Variants in IQCM observed in about 807,000 individuals in gnomAD.
IQCM encodes IQ motif containing M.
A neutral mutation model predicts 57.6 loss-of-function variants in IQCM; 45 were observed. That is an observed-to-expected ratio of 0.78 (90% CI 0.62 to 1.00). The LOEUF (loss-of-function observed/expected upper bound fraction) is 1.00, where lower values mean the gene tolerates loss of function less well. Among genes scored for constraint, IQCM ranks in the 50% least tolerant of loss-of-function variants. The pLI, the probability that IQCM is intolerant of heterozygous loss-of-function variation, is 0.00. For synonymous variants in IQCM, 148 were observed against 158.9 expected, an observed-to-expected ratio of 0.93 and a Z score of 0.51; for missense variants, 468 against 511.6, an observed-to-expected ratio of 0.91 and a Z score of 0.82.
intron 8 of IQCM, among the ~76,000 whole-genome samples, chr4:149,588,586 C>A (rs1752852951): frequency 6.6e-6 from 1 of 151,592 alleles, no homozygotes; most frequent in South Asian, 2.1e-4. Context: ...AAGGGCGGGG[C>A]CTAATTCAGC....
At chr4:149,787,693 T>C (rs1421222283) in intron 2 of IQCM, among the ~76,000 whole-genome samples, 1 of 152,040 alleles carries the variant, frequency 6.6e-6, no homozygotes, top group Non-Finnish European at 1.5e-5. Context: ...CAACCGAAGC[T>C]AGATTAAAGA....
intron 12 of IQCM, among the ~76,000 whole-genome samples, chr4:149,450,658 G>A (rs1737012844): frequency 6.6e-6 from 1 of 151,666 alleles, no homozygotes; most frequent in African/African-American, 2.4e-5. Flanking sequence ...ACTACAACAA[G>A]ATATAATCTC....
chr4:149,655,192 T>C (rs970044947), intron 7 of IQCM, among the ~76,000 whole-genome samples: 6 of 152,178 alleles, frequency 3.9e-5, no homozygotes, highest in African/African-American at 1.4e-4. Context: ...TCAATACTTA[T>C]TGACTGTATA....
chr4:149,404,593 T>C (rs1732848933), intron 13 of IQCM, among the ~76,000 whole-genome samples: 1 of 152,030 alleles, frequency 6.6e-6, no homozygotes, highest in Non-Finnish European at 1.5e-5. Context: ...AAAGGTGGTG[T>C]TTATTTCTTG....
chr4:149,750,501 C>G (rs1159221700), intron 2 of IQCM, among the ~76,000 whole-genome samples: 1 of 152,112 alleles, frequency 6.6e-6, no homozygotes, highest in African/African-American at 2.4e-5. Context: ...TAATAAGAGC[C>G]TTATTTCCTT....
At chr4:149,651,459 C>A (rs917294615) in intron 7 of IQCM, among the ~76,000 whole-genome samples, 1 of 152,078 alleles carries the variant, frequency 6.6e-6, no homozygotes, top group Non-Finnish European at 1.5e-5. Context: ...CATGCACATA[C>A]ACAAATTTGT....
intron 13 of IQCM, among the ~76,000 whole-genome samples, chr4:149,359,974 C>G (rs770952638): frequency 1.4e-4 from 21 of 152,072 alleles, no homozygotes; most frequent in Non-Finnish European, 1.9e-4. Flanking sequence ...TGAGAGCTTT[C>G]TGGGTCTCCA....
chr4:149,744,000 A>T (rs1245943494), intron 2 of IQCM, among the ~76,000 whole-genome samples: 1 of 152,230 alleles, frequency 6.6e-6, no homozygotes, highest in Non-Finnish European at 1.5e-5. Flanking sequence ...CTATGAGTTC[A>T]GAATTCAAAA....
intron 7 of IQCM, among the ~76,000 whole-genome samples, chr4:149,654,083 G>C (rs79514373): frequency 1.1e-3 from 174 of 152,216 alleles, no homozygotes; most frequent in Non-Finnish European, 2.1e-3. Flanking sequence ...AAGCGGATAC[G>C]AATATCCTCA....
In IQCM at chr4:149,456,815, T is replaced by A. The variant is rs1737754802; in HGVS notation, c.1229-23258A>T. ...TTCCTGCTTCTGCTGTTTTCTCATA[T>A]GCCAAAGTACGTTAATTTGGATTAG... On this transcript the variant is annotated intron_variant, in intron 12 of 13. Transcript: ENST00000636793. Among the ~76,000 whole-genome samples, 4 of 152,076 alleles carry A rather than the reference T, an allele frequency of 2.6e-5. No homozygotes were observed. The South Asian group carries it at 8.3e-4, about 31-fold the overall frequency.
chr4:149,388,631 A>G (rs1016244692), intron 13 of IQCM, among the ~76,000 whole-genome samples: 4 of 142,558 alleles, frequency 2.8e-5, no homozygotes, highest in African/African-American at 1.0e-4. Context: ...ATATATACAC[A>G]TATATGGGCA....
At chr4:149,478,473 G>A (rs976530389) in intron 12 of IQCM, among the ~76,000 whole-genome samples, 2 of 152,172 alleles carry the variant, frequency 1.3e-5, no homozygotes, top group African/African-American at 2.4e-5. Flanking sequence ...TTAGGTACCA[G>A]GTGAAAAGAA....
At chr4:149,703,574 A>C (rs906070337) in intron 5 of IQCM, among the ~76,000 whole-genome samples, 2 of 151,956 alleles carry the variant, frequency 1.3e-5, no homozygotes, top group Admixed American at 6.6e-5. Flanking sequence ...CTTTTTATTT[A>C]GTTATGAGCA....
intron 2 of IQCM, among the ~76,000 whole-genome samples, chr4:149,785,495 A>G (rs1771996562): frequency 6.6e-6 from 1 of 152,186 alleles, no homozygotes. Context: ...ATATAATTTG[A>G]ATGTTTCAAA....
chr4:149,717,577 C>G (rs568485007), intron 5 of IQCM, among the ~76,000 whole-genome samples: 10 of 152,200 alleles, frequency 6.6e-5, no homozygotes, highest in Non-Finnish European at 1.2e-4. Context: ...AAACTAAAAT[C>G]TTAATAAGTT....
intron 5 of IQCM, among the ~76,000 whole-genome samples, chr4:149,708,795 G>A (rs926678899): frequency 1.3e-5 from 2 of 151,942 alleles, no homozygotes; most frequent in Non-Finnish European, 2.9e-5. Context: ...TACATGAAAC[G>A]ACAAAGGATG....
At chr4:149,513,290 T>A (rs1383975348) in intron 12 of IQCM, among the ~76,000 whole-genome samples, 1 of 152,198 alleles carries the variant, frequency 6.6e-6, no homozygotes, top group Non-Finnish European at 1.5e-5. Flanking sequence ...AGTGTACTCA[T>A]CCTATTTATA....
At chr4:149,472,526 T>C (rs928435604) in intron 12 of IQCM, among the ~76,000 whole-genome samples, 1 of 152,110 alleles carries the variant, frequency 6.6e-6, no homozygotes, top group African/African-American at 2.4e-5. Context: ...GAATCAATAT[T>C]GTGAAAATGG....
At chr4:149,476,622 T>C (rs1282402510) in intron 12 of IQCM, among the ~76,000 whole-genome samples, 2 of 152,050 alleles carry the variant, frequency 1.3e-5, no homozygotes, top group Non-Finnish European at 2.9e-5. Context: ...AAAAAAACCA[T>C]TATCTTGAAA....
Sources: gnomAD v4.1 joint callset for allele counts (sites outside exome capture counted in the v4.1 genomes callset) on GRCh38, gnomAD v4.1.1 for gene constraint, MANE v1.5 for transcripts, NCBI Gene and HGNC (gene_info 2026-07-23, HGNC 2026-07-21) for gene names.